SEC23IP: variants seen among roughly 807,000 people sequenced by gnomAD.
SEC23IP encodes the protein SEC23-interacting protein.
SEC23IP carries 70 observed loss-of-function variants against 113.4 expected under a neutral mutation model. The observed-to-expected ratio is 0.62, with a 90% CI of 0.51 to 0.75. The LOEUF (loss-of-function observed/expected upper bound fraction) is 0.75, where lower values mean the gene tolerates loss of function less well. Ranked by LOEUF, SEC23IP falls within the 30% of genes least tolerant of loss-of-function variation. The pLI is 0.00. For synonymous variants in SEC23IP, 398 were observed against 421.0 expected (o/e 0.95, Z 0.67); for missense variants, 1,160 against 1,204.9 (o/e 0.96, Z 0.55).
In SEC23IP at chr10:119,929,765, G is replaced by A; in HGVS notation, c.2469+3G>A. 6.4e-7 allele frequency: 1 copy of A among 1,561,798 alleles called. No individual in the cohort carries two copies. Among genetic ancestry groups the A allele is most frequent in the Middle Eastern group, 1.7e-4 (1 of 5,876 alleles). On this transcript the variant is annotated splice_donor_region_variant and intron_variant, in intron 14 of 18. Transcript: ENST00000369075. ...GGTTCTTCAATATTTATCATCCGGT[G>A]AGTAATTGAATTTACTTTGTTTTTT...
intron 18 of SEC23IP, among the ~76,000 whole-genome samples, chr10:119,936,543 C>CAAAAAA (rs35075710): frequency 7.8e-5 from 6 of 76,826 alleles, no homozygotes; most frequent in African/African-American, 1.0e-4. Flanking sequence ...GATTCCGTCT[C>CAAAAAA]AAAAAAAAAA....
chr10:119,930,381 T>TA lies in SEC23IP; in HGVS notation c.2526dup (p.Ala843SerfsTer27), dbSNP rs1291868121. ...CCTATGATTGTTCCAGATTTGGACC[T>TA]AAAAGCTGTTCTCATTCCACATCAC... On this transcript the variant is annotated frameshift_variant, in exon 15 of 19. Transcript: ENST00000369075. LOFTEE classifies it high-confidence loss of function. 3 of 1,612,288 alleles carry TA rather than the reference T, an allele frequency of 1.9e-6. No homozygotes were observed. The South Asian group carries it at 3.3e-5, about 18-fold the overall frequency.
In SEC23IP at chr10:119,919,428, A is replaced by C. The variant is rs776887487; in HGVS notation, c.1873-16A>C. The C allele has an allele frequency of 3.2e-6, 5 of 1,578,746 alleles. No individual in the cohort carries two copies. In the South Asian group the frequency reaches 4.7e-5, roughly 15 times the overall value. On this transcript the variant is annotated splice_polypyrimidine_tract_variant and intron_variant, in intron 10 of 18. Transcript: ENST00000369075. The stretch of plus-strand genomic sequence containing the variant: ...TTTCTGAGCTTGTAATGTTTTTCAT[A>C]CTTTTTTTTTTAAAGATGCCTGAAG...
chr10:119,936,081 C>G (rs1026229619), intron 18 of SEC23IP, among the ~76,000 whole-genome samples: 1 of 152,082 alleles, frequency 6.6e-6, no homozygotes, highest in Non-Finnish European at 1.5e-5. Context: ...CATTTCATTC[C>G]ATTTTATAGT....
intron 1 of SEC23IP, among the ~76,000 whole-genome samples, chr10:119,896,932 G>A (rs565945397): frequency 6.6e-6 from 1 of 152,136 alleles, no homozygotes; most frequent in Non-Finnish European, 1.5e-5. Context: ...TGCAGCAAGG[G>A]ATATTTTATT....
chr10:119,895,246 T>C (rs538965094), intron 1 of SEC23IP, among the ~76,000 whole-genome samples: 2 of 152,044 alleles, frequency 1.3e-5, no homozygotes, highest in South Asian at 4.2e-4. Flanking sequence ...TAGTTGGATG[T>C]GGTGGTGGGC....
chr10:119,915,726 C>CTCT lies in SEC23IP; in HGVS notation c.1403-21_1403-20insCTT. The CTCT allele has an allele frequency of 7.8e-6, 9 of 1,155,972 alleles. No individual in the cohort carries two copies. In the South Asian group the frequency reaches 1.6e-4, roughly 21 times the overall value. The allele number at this position is 1,155,972 out of a possible 1,614,324, so 71.6% of individuals were successfully genotyped here. A position where few individuals can be genotyped will look rare whatever the true frequency, so the allele number is the denominator to read the frequency against. On this transcript the variant is annotated intron_variant, in intron 7 of 18. Transcript: ENST00000369075. ...GCTAGGAGAATTTAATTTATTTTCT[C>CTCT]TTTTTTTTTTTTCTTTTGAAGTGGA... is the stretch of plus-strand genomic sequence containing the variant.
Position 119,916,842 on chromosome 10 carries a change from A to G in SEC23IP, c.1544+953A>G, listed in dbSNP as rs550635828. On this transcript the variant is annotated intron_variant, in intron 8 of 18. Transcript: ENST00000369075. ...CAGAGAATCCCAAAATTCATAGTAT[A>G]GTTATAGGCACAAATAACTTTAAAA... is the stretch of plus-strand genomic sequence containing the variant. 2.0e-5 allele frequency among the ~76,000 whole-genome samples: 3 copies of G among 152,296 alleles called. No homozygotes were observed. The East Asian group carries it at 5.8e-4, about 29-fold the overall frequency.
chr10:119,892,861 T>A lies in SEC23IP; in HGVS notation c.79T>A (p.Ser27Thr). 2 of 1,614,062 alleles carry A rather than the reference T, an allele frequency of 1.2e-6. No homozygotes were observed. Residue 27 changes from serine (S) to threonine (T), a missense_variant, in exon 1 of 19, where the codon TCG becomes ACG. Transcript: ENST00000369075. ...SSGTNLLFSS[S>T]ATEFSFNVPF... ...GGGCACTAACTTACTTTTCTCCTCC[T>A]CGGCCACGGAGTTCAGCTTCAATGT...
At chr10:119,918,225 G>A (rs57556298) in intron 9 of SEC23IP, among the ~76,000 whole-genome samples, 168 bp from the exon 10 acceptor site, 1 of 152,122 alleles carries the variant, frequency 6.6e-6, no homozygotes, top group African/African-American at 2.4e-5. Flanking sequence ...GTATTACCTA[G>A]GGAATGCTAT....
chr10:119,910,052 A>G (rs1267163995), intron 5 of SEC23IP, among the ~76,000 whole-genome samples: 1 of 152,216 alleles, frequency 6.6e-6, no homozygotes, highest in Non-Finnish European at 1.5e-5. Context: ...AAGGCTTTGC[A>G]AGTTACATGT....
intron 4 of SEC23IP, among the ~76,000 whole-genome samples, chr10:119,905,916 A>G (rs1201738357): frequency 6.6e-6 from 1 of 152,144 alleles, no homozygotes; most frequent in East Asian, 1.9e-4. Context: ...GCAATGTAGG[A>G]AAAAAGCCCA....
At position 119,904,061 on chromosome 10, in the gene SEC23IP, A is replaced by G. The variant is rs781178284; in HGVS notation, c.908-23A>G. 4 of 1,609,978 alleles carry G rather than the reference A, an allele frequency of 2.5e-6. No individual in the cohort carries two copies. In the South Asian group the frequency reaches 4.4e-5, roughly 18 times the overall value. The stretch of plus-strand genomic sequence containing the variant: ...ACAATATGCCTTGCAGCAGTTAGGA[A>G]AAGTGTTAATTTTGTTCTCTAGTTC... On this transcript the variant is annotated intron_variant, in intron 3 of 18. Coordinates refer to ENST00000369075, the MANE Select transcript of SEC23IP (RefSeq NM_007190.4).
rs1209166903 is a variant in SEC23IP, at chr10:119,898,489, G to GC, written c.230dup (p.Gln78ThrfsTer4). Reference sequence around the variant, plus strand: ...TGGTCAGACTTCTATTCACACATCTGCCCCACAGACATTTAGTTACTTCTC... The same window carrying GC: ...TGGTCAGACTTCTATTCACACATCTGCCCCCACAGACATTTAGTTACTTCTC... On this transcript the variant is annotated frameshift_variant, in exon 2 of 19. Transcript: ENST00000369075. LOFTEE classifies it high-confidence loss of function. 6.2e-7 allele frequency: 1 copy of GC among 1,613,958 alleles called. No homozygotes were observed. The highest frequency in any genetic ancestry group is 8.5e-7 in the Non-Finnish European group (1 of 1,180,020).
chr10:119,930,395 A>G lies in SEC23IP; in HGVS notation c.2536A>G (p.Ile846Val), dbSNP rs2134524044. ...VPDLDLKAVLIPHHKGRKRLH... is the reference protein window; with the variant it reads ...VPDLDLKAVLVPHHKGRKRLH... ...AGATTTGGACCTAAAAGCTGTTCTC[A>G]TTCCACATCACAAAGGCAGAAAAAG... Residue 846 changes from isoleucine (I) to valine (V), a missense_variant, in exon 15 of 19, where the codon ATT becomes GTT. By Grantham distance (29) the Ile-to-Val change is conservative. Coordinates refer to ENST00000369075, the MANE Select transcript of SEC23IP (RefSeq NM_007190.4). The G allele has an allele frequency of 1.2e-6, 2 of 1,611,944 alleles. No homozygotes were observed. The highest frequency in any genetic ancestry group is 1.7e-6 in the Non-Finnish European group (2 of 1,178,428).
At chr10:119,912,412 C>T (rs1009637417) in intron 6 of SEC23IP, among the ~76,000 whole-genome samples, 2 of 151,886 alleles carry the variant, frequency 1.3e-5, no homozygotes, top group African/African-American at 2.4e-5. Flanking sequence ...GAATTACAGG[C>T]GTGAGCCACT....
intron 2 of SEC23IP, among the ~76,000 whole-genome samples, chr10:119,900,176 T>C (rs1854428935): frequency 6.6e-6 from 1 of 152,180 alleles, no homozygotes; most frequent in African/African-American, 2.4e-5. Context: ...ATTCTTCTTA[T>C]GTGCACAGTG....
chr10:119,936,042 T>A (rs564086077), intron 18 of SEC23IP, among the ~76,000 whole-genome samples: 1 of 152,376 alleles, frequency 6.6e-6, no homozygotes, highest in South Asian at 2.1e-4. Context: ...TGAACAGTAC[T>A]ACAGTGATAC....
chr10:119,905,968 A>G (rs898863758), intron 4 of SEC23IP, among the ~76,000 whole-genome samples: 2 of 152,212 alleles, frequency 1.3e-5, no homozygotes, highest in Non-Finnish European at 2.9e-5. Flanking sequence ...GAAGAACGTA[A>G]AAGGTGACCT....
Sources: gnomAD v4.1 joint callset for allele counts (sites outside exome capture counted in the v4.1 genomes callset) on GRCh38, gnomAD v4.1.1 for gene constraint, MANE v1.5 for transcripts, NCBI Gene and HGNC (gene_info 2026-07-23, HGNC 2026-07-21) for gene names.